CEACAM16: variants seen among roughly 807,000 people sequenced by gnomAD.
The protein encoded by CEACAM16 is CEA cell adhesion molecule 16, tectorial membrane component, also known as cell adhesion molecule CEACAM16.
A neutral mutation model predicts 39.4 loss-of-function variants in CEACAM16; 30 were observed. The observed-to-expected ratio is 0.76, with a 90% confidence interval of 0.57 to 1.03. CEACAM16 has a LOEUF of 1.03. CEACAM16 is among the 50% of genes least tolerant of loss of function. The pLI, the probability that CEACAM16 is intolerant of heterozygous loss-of-function variation, is 0.00. For synonymous variants in CEACAM16, 262 were observed against 264.9 expected (o/e 0.99, Z 0.11); for missense variants, 521 against 585.3 (o/e 0.89, Z 1.13).
rs758005329 is a variant in CEACAM16 at position 44,705,818 on chromosome 19, A to C, written c.890A>C (p.Asn297Thr). 7 of 1,613,838 alleles carry C rather than the reference A, an allele frequency of 4.3e-6. No homozygotes were observed. Among genetic ancestry groups the C allele is most frequent in the South Asian group, 1.1e-5 (1 of 91,084 alleles). The change falls in exon 5 of 7, where the codon AAC (asparagine) becomes ACC (threonine). Residue 297 changes from asparagine (N) to threonine (T), a missense_variant. By Grantham distance (65) the Asn-to-Thr change is moderately conservative (BLOSUM62 0). Transcript: ENST00000587331. The stretch of plus-strand genomic sequence containing the variant: ...GGGACGTACACATGTATTGCGAAGA[A>C]CACCAAGACCCTGCTATCTGGATCT... ...QEGTYTCIAK[N>T]TKTLLSGSAS...
At chr19:44,700,987 C>G (rs978953762) in intron 1 of CEACAM16, among the ~76,000 whole-genome samples, 2 of 152,198 alleles carry the variant, frequency 1.3e-5, no homozygotes, top group Admixed American at 6.5e-5. Flanking sequence ...TCCGCTGAGA[C>G]AACACCTGTA....
chr19:44,700,409 A>G (rs1974326535), intron 1 of CEACAM16, among the ~76,000 whole-genome samples: 1 of 152,038 alleles, frequency 6.6e-6, no homozygotes, highest in African/African-American at 2.4e-5. Context: ...AAGTGCTGGG[A>G]CTACAGGCAC....
Position 44,710,513 on chromosome 19 carries a change from G to A in CEACAM16, c.*7G>A, listed in dbSNP as rs772325768. Reference sequence around the variant, plus strand: ...CCCCACAGCCCTGGGGTAACAGCGTGACCCTGGAGACGTCCAGAGAGAAGA... The same window carrying A: ...CCCCACAGCCCTGGGGTAACAGCGTAACCCTGGAGACGTCCAGAGAGAAGA... On this transcript the variant is annotated 3_prime_UTR_variant, in exon 7 of 7. Coordinates refer to ENST00000587331, the MANE Select transcript of CEACAM16 (RefSeq NM_001039213.4). 5.6e-6 allele frequency: 9 copies of A among 1,613,694 alleles called. No individual in the cohort carries two copies. The South Asian group carries it at 6.6e-5, about 12-fold the overall frequency.
chr19:44,705,535 ACCT>A (rs1974429251), intron 4 of CEACAM16, 52 bp from the exon 5 acceptor site: 11 of 1,515,628 alleles, frequency 7.3e-6, no homozygotes, highest in Middle Eastern at 1.9e-4. Context: ...AGGGGTACCA[ACCT>A]CCACTCCTCC....
Position 44,701,620 on chromosome 19 carries a change from T to C in CEACAM16, c.37+127T>C. On this transcript the variant is annotated intron_variant, in intron 2 of 6. Coordinates refer to ENST00000587331, the MANE Select transcript of CEACAM16 (RefSeq NM_001039213.4). This position sits in a 1 kb window ranked among gnomAD's most constrained non-coding sequence, Gnocchi z 4.0. ...GCGTGCTAGGGAGGGAGGGCAGCCC[T>C]GCTTCACACCGGCAGTTTACCCCTC... The C allele has an allele frequency of 1.1e-6, 1 of 917,228 alleles. No homozygotes were observed. The highest frequency in any genetic ancestry group is 1.7e-6 in the Non-Finnish European group (1 of 586,282). The allele number at this position is 917,228 out of a possible 1,614,324, so 56.8% of individuals were successfully genotyped here.
intron 5 of CEACAM16, among the ~76,000 whole-genome samples, chr19:44,707,467 G>C (rs754089126): frequency 4.6e-5 from 7 of 152,086 alleles, no homozygotes; most frequent in Non-Finnish European, 8.8e-5. Context: ...CGGTCTGACA[G>C]ACACAAGTCC....
chr19:44,703,366 G>A lies in CEACAM16; in HGVS notation c.55G>A (p.Gly19Arg). The change falls in exon 3 of 7, where the codon GGG becomes AGG. Residue 19 changes from glycine to arginine, a missense_variant. Transcript: ENST00000587331. Reference sequence around the variant, plus strand: ...TTCCTCAGCCACATTCCTGAATGTGGGGGCCGAGATCTCTATCACCCTGGA... The same window carrying A: ...TTCCTCAGCCACATTCCTGAATGTGAGGGCCGAGATCTCTATCACCCTGGA... ...LLLSATFLNV[G>R]AEISITLEPA... 6.2e-7 allele frequency: 1 copy of A among 1,609,744 alleles called. No homozygotes were observed. The highest frequency in any genetic ancestry group is 8.5e-7 in the Non-Finnish European group (1 of 1,176,666).
rs199779296 is a variant in CEACAM16, at chr19:44,705,666, G to A, written c.738G>A (p.Thr246=). The change falls in exon 5 of 7, where the codon ACG becomes ACA. Residue 246 remains threonine, a synonymous_variant. Transcript: ENST00000587331. Reference sequence around the variant, plus strand: ...GCACCATCAAAGTTGACTTCAACACGTCCCTCACCCTGTGGTGCGTGTCCA... The same window carrying A: ...GCACCATCAAAGTTGACTTCAACACATCCCTCACCCTGTGGTGCGTGTCCA... The part of the protein sequence containing the change: ...TGCTIKVDFN[T]SLTLWCVSRS... 6,576 of 1,613,772 alleles carry A rather than the reference G, an allele frequency of 4.1e-3. 21 individuals are homozygous for A. The highest frequency in any genetic ancestry group is 5.1e-3 in the Non-Finnish European group (5,959 of 1,179,734).
In CEACAM16 at chr19:44,705,798, G is replaced by A. The variant is rs371553977; in HGVS notation, c.870G>A (p.Thr290=). ...GCATGACAGCCGCCCAGGAGGGGAC[G>A]TACACATGTATTGCGAAGAACACCA... ...ISSMTAAQEG[T]YTCIAKNTKT... The change falls in exon 5 of 7, where the codon ACG becomes ACA. Residue 290 remains threonine, a synonymous_variant. Transcript: ENST00000587331. The A allele has an allele frequency of 1.1e-4, 176 of 1,613,848 alleles. No individual in the cohort carries two copies. Among genetic ancestry groups the A allele is most frequent in the Non-Finnish European group, 1.3e-4 (157 of 1,179,898 alleles).
rs746512526 is a variant in CEACAM16, at chr19:44,704,126, G to C, written c.491G>C (p.Trp164Ser). 1.3e-6 allele frequency: 2 copies of C among 1,598,778 alleles called. No individual in the cohort carries two copies. The highest frequency in any genetic ancestry group is 2.3e-5 in the East Asian group (1 of 43,736). Residue 164 changes from tryptophan to serine, a missense_variant, in exon 4 of 7, where the codon TGG becomes TCG. Trp to Ser is a radical substitution (Grantham distance 177). Coordinates refer to ENST00000587331, the MANE Select transcript of CEACAM16 (RefSeq NM_001039213.4). The stretch of plus-strand genomic sequence containing the variant: ...CCCAGCCCCACCGCCGAGGTCCGCT[G>C]GTTCTTCAACGGTGGGGCCCTGCCC... ...SSPSPTAEVR[W>S]FFNGGALPVA... is the part of the protein sequence containing the mutation.
rs961716109 is a variant in CEACAM16, at chr19:44,703,428, G to A, written c.117G>A (p.Leu39=). 8 of 1,613,722 alleles carry A rather than the reference G, an allele frequency of 5.0e-6. No homozygotes were observed. The Admixed American group carries it at 8.3e-5, about 17-fold the overall frequency. ...AQPSEGDNVT[L]VVHGLSGELL... ...CGAGCGAAGGGGACAACGTCACGCT[G>A]GTCGTCCATGGGCTTTCGGGGGAAC... Residue 39 remains leucine (L), a synonymous_variant, in exon 3 of 7, where the codon CTG becomes CTA. Transcript: ENST00000587331.
intron 5 of CEACAM16, among the ~76,000 whole-genome samples, chr19:44,706,474 T>C (rs1175375635): frequency 2.0e-5 from 3 of 152,160 alleles, no homozygotes; most frequent in East Asian, 1.9e-4. Flanking sequence ...CTTCCGGAGA[T>C]GGTGGCTTTG....
In CEACAM16 at chr19:44,701,263, C is replaced by T. The variant is rs1974340552; in HGVS notation, c.-96-98C>T. ...CGGCCTCTGGCCGGTGCCCGCCACACCCACCCTGGTACCCAAACCGGGCCC... is the reference window on the plus strand; with the variant it reads ...CGGCCTCTGGCCGGTGCCCGCCACATCCACCCTGGTACCCAAACCGGGCCC... On this transcript the variant is annotated intron_variant, in intron 1 of 6. Transcript: ENST00000587331. The surrounding 1 kb of genome is among the most constrained non-coding windows in gnomAD (Gnocchi z 4.0). 2 of 685,642 alleles carry T rather than the reference C, an allele frequency of 2.9e-6. No homozygotes were observed. Among genetic ancestry groups the T allele is most frequent in the East Asian group, 2.7e-5 (1 of 37,008 alleles). 42.5% of individuals were successfully genotyped at this position (685,642 alleles called of 1,614,324 possible).
Position 44,703,577 on chromosome 19 carries a change from C to T in CEACAM16, c.266C>T (p.Pro89Leu). Residue 89 changes from proline (P) to leucine (L), a missense_variant, in exon 3 of 7, where the codon CCC (proline) becomes CTC (leucine). Coordinates refer to ENST00000587331, the MANE Select transcript of CEACAM16 (RefSeq NM_001039213.4). ...PAHTGREAVRPDGSLDIQGIL... is the reference protein window; with the variant it reads ...PAHTGREAVRLDGSLDIQGIL... ...CACACGGGGCGGGAGGCTGTGCGCC[C>T]CGATGGCAGCCTGGACATCCAGGGC... The T allele has an allele frequency of 1.2e-6, 2 of 1,610,556 alleles. No homozygotes were observed. The highest frequency in any genetic ancestry group is 1.7e-6 in the Non-Finnish European group (2 of 1,178,936).
rs1254686850 is a variant in CEACAM16, at chr19:44,710,508, A to T, written c.*2A>T. 1 of 1,613,690 alleles carries T rather than the reference A, an allele frequency of 6.2e-7. No individual in the cohort carries two copies. Among genetic ancestry groups the T allele is most frequent in the South Asian group, 1.1e-5 (1 of 91,066 alleles). On this transcript the variant is annotated 3_prime_UTR_variant, in exon 7 of 7. Transcript: ENST00000587331. ...ATATGCCCCACAGCCCTGGGGTAAC[A>T]GCGTGACCCTGGAGACGTCCAGAGA...
chr19:44,710,199 C>G (rs1256667548), intron 6 of CEACAM16, among the ~76,000 whole-genome samples: 1 of 152,206 alleles, frequency 6.6e-6, no homozygotes, highest in Non-Finnish European at 1.5e-5. Context: ...CTGATCAAAC[C>G]CTGGTTTTCT....
chr19:44,706,241 C>A (rs1817521339), intron 5 of CEACAM16, among the ~76,000 whole-genome samples: 1 of 146,376 alleles, frequency 6.8e-6, no homozygotes, highest in African/African-American at 2.5e-5. Flanking sequence ...AACTAGACTA[C>A]CCAGTTATCT....
rs776527204 is a variant in CEACAM16, at chr19:44,703,556, C to T, written c.245C>T (p.Thr82Met). ...GATGAGACTCCTGGCCCGGCCCACACGGGGCGGGAGGCTGTGCGCCCCGAT... is the reference window on the plus strand; with the variant it reads ...GATGAGACTCCTGGCCCGGCCCACATGGGGCGGGAGGCTGTGCGCCCCGAT... ...TGDETPGPAH[T>M]GREAVRPDGS... Residue 82 changes from threonine to methionine, a missense_variant, in exon 3 of 7, where the codon ACG (threonine) becomes ATG (methionine). Physicochemically the swap from Thr to Met is moderately conservative, Grantham distance 81. Coordinates refer to ENST00000587331, the MANE Select transcript of CEACAM16 (RefSeq NM_001039213.4). The T allele has an allele frequency of 1.5e-5, 24 of 1,612,520 alleles. No individual in the cohort carries two copies. Among genetic ancestry groups the T allele is most frequent in the South Asian group, 7.7e-5 (7 of 90,974 alleles).
chr19:44,709,036 A>G (rs1233867682), intron 6 of CEACAM16, among the ~76,000 whole-genome samples: 1 of 151,964 alleles, frequency 6.6e-6, no homozygotes, highest in Non-Finnish European at 1.5e-5. Flanking sequence ...TCAGACTAGG[A>G]GCTCCCAGAG....
Sources: gnomAD v4.1 joint callset for allele counts (sites outside exome capture counted in the v4.1 genomes callset) on GRCh38, gnomAD v4.1.1 for gene constraint, Gnocchi (gnomAD v3.1) non-coding constraint, MANE v1.5 for transcripts, NCBI Gene and HGNC (gene_info 2026-07-23, HGNC 2026-07-21) for gene names.